Variants in MAGI1 observed in about 807,000 individuals in gnomAD.
MAGI1 encodes membrane associated guanylate kinase, WW and PDZ domain containing 1, also known as membrane-associated guanylate kinase, WW and PDZ domain-containing protein 1.
In MAGI1, 58 loss-of-function variants were observed where a neutral mutation model predicts 139.9. The observed-to-expected ratio is 0.41, with a 90% CI of 0.34 to 0.52. The LOEUF (loss-of-function observed/expected upper bound fraction) is 0.52. Among genes scored for constraint, MAGI1 ranks in the 20% least tolerant of loss-of-function variants. The pLI is 0.12. For synonymous variants in MAGI1, 812 were observed against 737.9 expected, an observed-to-expected ratio of 1.10 and a Z score of -1.63; for missense variants, 1,874 against 1,901.6, an observed-to-expected ratio of 0.99 and a Z score of 0.27.
At chr3:65,769,051 TGG>T (rs1339691422) in intron 1 of MAGI1, among the ~76,000 whole-genome samples, 2 of 152,076 alleles carry the variant, frequency 1.3e-5, no homozygotes, top group Non-Finnish European at 2.9e-5. Context: ...TTAAAGCCAC[TGG>T]GCCTGAAAAA....
chr3:65,815,094 G>C (rs2041515465), intron 1 of MAGI1, among the ~76,000 whole-genome samples: 1 of 152,266 alleles, frequency 6.6e-6, no homozygotes, highest in East Asian at 1.9e-4. Context: ...CCCTTCTCTA[G>C]AGGGAGGCGG....
chr3:65,619,682 T>G (rs544433324), intron 2 of MAGI1, among the ~76,000 whole-genome samples: 2 of 152,084 alleles, frequency 1.3e-5, no homozygotes, highest in Non-Finnish European at 2.9e-5. Context: ...ACATGGGCCA[T>G]AGAATCAAAA....
At chr3:65,462,105 A>C (rs1471269912) in intron 5 of MAGI1, among the ~76,000 whole-genome samples, 2 of 152,128 alleles carry the variant, frequency 1.3e-5, no homozygotes, top group African/African-American at 4.8e-5. Flanking sequence ...TTTGCTGTGC[A>C]GAAGCTCTTT....
chr3:65,520,479 G>C (rs2078101448), intron 2 of MAGI1, among the ~76,000 whole-genome samples: 2 of 151,984 alleles, frequency 1.3e-5, no homozygotes, highest in South Asian at 4.1e-4. Flanking sequence ...CTGCAAATGG[G>C]AAGAGTAATG....
At chr3:65,433,028 T>G (rs1947578350) in intron 10 of MAGI1, among the ~76,000 whole-genome samples, 1 of 152,150 alleles carries the variant, frequency 6.6e-6, no homozygotes, top group Non-Finnish European at 1.5e-5. Context: ...GTTTTCTTAC[T>G]ATCCCCAACT....
At chr3:65,722,678 G>A (rs1490651840) in intron 1 of MAGI1, among the ~76,000 whole-genome samples, 1 of 150,134 alleles carries the variant, frequency 6.7e-6, no homozygotes, top group Non-Finnish European at 1.5e-5. Context: ...CTACATGGTT[G>A]TTAAACTCTG....
chr3:65,460,490 T>G (rs969510996), intron 5 of MAGI1, among the ~76,000 whole-genome samples: 1 of 152,092 alleles, frequency 6.6e-6, no homozygotes, highest in African/African-American at 2.4e-5. Flanking sequence ...TTTTTTTTTG[T>G]GATGAGTGAC....
intron 2 of MAGI1, among the ~76,000 whole-genome samples, chr3:65,499,608 CTG>C (rs1350569206): frequency 1.3e-5 from 2 of 151,748 alleles, no homozygotes; most frequent in Admixed American, 1.3e-4. Flanking sequence ...GGGCGACAGA[CTG>C]AGACTCCGTC....
At chr3:66,007,664 G>C (rs2067096821) in intron 1 of MAGI1, among the ~76,000 whole-genome samples, 1 of 152,180 alleles carries the variant, frequency 6.6e-6, no homozygotes, top group Non-Finnish European at 1.5e-5. Flanking sequence ...CATTTATCAA[G>C]GGAACTGGTA....
At chr3:65,647,390 C>G (rs1268440325) in intron 1 of MAGI1, among the ~76,000 whole-genome samples, 1 of 152,002 alleles carries the variant, frequency 6.6e-6, no homozygotes, top group Non-Finnish European at 1.5e-5. Context: ...TTTTATGAAC[C>G]TAGTATTACT....
At chr3:65,547,580 CA>C (rs2079563798) in intron 2 of MAGI1, among the ~76,000 whole-genome samples, 1 of 152,086 alleles carries the variant, frequency 6.6e-6, no homozygotes, top group African/African-American at 2.4e-5. Context: ...CCACTTTCTG[CA>C]AAGAAGCAGG....
At chr3:66,023,348 T>A (rs1430384568) in intron 1 of MAGI1, among the ~76,000 whole-genome samples, 1 of 152,172 alleles carries the variant, frequency 6.6e-6, no homozygotes, top group Non-Finnish European at 1.5e-5. Context: ...TTTATAGTTT[T>A]AATTTAATAG....
At chr3:65,911,556 C>G (rs1432664809) in intron 1 of MAGI1, among the ~76,000 whole-genome samples, 1 of 152,052 alleles carries the variant, frequency 6.6e-6, no homozygotes, top group Admixed American at 6.6e-5. Context: ...CACTTAGGAC[C>G]AAACTATATC....
intron 1 of MAGI1, among the ~76,000 whole-genome samples, chr3:65,937,490 G>A (rs1042308002): frequency 4.6e-5 from 7 of 151,988 alleles, no homozygotes; most frequent in African/African-American, 1.7e-4. Flanking sequence ...GTTGTGTCAG[G>A]GGCTGAGAGC....
intron 1 of MAGI1, among the ~76,000 whole-genome samples, chr3:65,624,276 G>A (rs2083844796): frequency 6.6e-6 from 1 of 151,606 alleles, no homozygotes; most frequent in South Asian, 2.1e-4. Context: ...TTATTTACAT[G>A]ACAGAAATGA....
At chr3:65,453,376 A>T in intron 5 of MAGI1, 36 bp from the exon 6 acceptor site, 68 of 280,862 alleles carry the variant, frequency 2.4e-4, no homozygotes, top group Non-Finnish European at 3.0e-4. Context: ...AATTTGTTTG[A>T]AAAAAAAAAA....
chr3:65,552,970 A>C (rs1313104155), intron 2 of MAGI1, among the ~76,000 whole-genome samples: 1 of 152,148 alleles, frequency 6.6e-6, no homozygotes, highest in Non-Finnish European at 1.5e-5. Flanking sequence ...CTGCAACTTG[A>C]GGTTTTTGCT....
At chr3:65,580,793 C>A (rs564509602) in intron 2 of MAGI1, among the ~76,000 whole-genome samples, 1 of 152,156 alleles carries the variant, frequency 6.6e-6, no homozygotes, top group African/African-American at 2.4e-5. Flanking sequence ...TCAGTTGTTT[C>A]TCTTACAGTG....
intron 12 of MAGI1, among the ~76,000 whole-genome samples, chr3:65,410,039 C>A (rs1945661224): frequency 6.6e-6 from 1 of 152,156 alleles, no homozygotes; most frequent in Non-Finnish European, 1.5e-5. Context: ...CCTTTCACCT[C>A]AAAGTCACAA....
Sources: gnomAD v4.1 joint callset for allele counts (sites outside exome capture counted in the v4.1 genomes callset) on GRCh38, gnomAD v4.1.1 for gene constraint, MANE v1.5 for transcripts, NCBI Gene and HGNC (gene_info 2026-07-23, HGNC 2026-07-21) for gene names.